Variants in TRPM5 observed in about 807,000 individuals in gnomAD.
TRPM5 encodes MLSN1 and TRP-related.
In TRPM5, 121 loss-of-function variants were observed where a neutral mutation model predicts 124.9. The ratio of observed to expected loss-of-function variants is 0.97; its 90% CI spans 0.84 to 1.13. The LOEUF is 1.13. Among genes scored for constraint, TRPM5 ranks in the 50% most tolerant of loss-of-function variants. The pLI, the probability that TRPM5 is intolerant of heterozygous loss-of-function variation, is 0.00. For synonymous variants in TRPM5, 781 were observed against 700.5 expected (o/e 1.11, Z -1.81); for missense variants, 1,643 against 1,589.1 (o/e 1.03, Z -0.58).
chr11:2,410,900 GAGGGC>G (rs2133508713), intron 18 of TRPM5, among the ~76,000 whole-genome samples: 1 of 152,298 alleles, frequency 6.6e-6, no homozygotes, highest in Admixed American at 6.5e-5. Context: ...GGCCCTGTGG[GAGGGC>G]AGAGGCCAGG....
intron 5 of TRPM5, 70 bp downstream of exon 10, chr11:2,418,457 G>T: frequency 6.4e-7 from 1 of 1,557,896 alleles, no homozygotes; most frequent in African/African-American, 1.4e-5. Flanking sequence ...CCTGTCCCAG[G>T]GGTGCCCAGA....
At chr11:2,414,512 C>T (rs1047799780) in intron 11 of TRPM5, among the ~76,000 whole-genome samples, 1 of 152,208 alleles carries the variant, frequency 6.6e-6, no homozygotes, top group African/African-American at 2.4e-5. Context: ...TCACCACGTG[C>T]ACAGCGGTCC....
At position 2,411,187 on chromosome 11, in the gene TRPM5, G is replaced by C. The variant is rs576503716; in HGVS notation, c.2782+165C>G. Among the ~76,000 whole-genome samples, 7 of 152,222 alleles carry C rather than the reference G, an allele frequency of 4.6e-5. No individual in the cohort carries two copies. In the East Asian group the frequency reaches 9.7e-4, roughly 21 times the overall value. On this transcript the variant is annotated intron_variant, in intron 18 of 23. Coordinates refer to ENST00000155858, the Ensembl canonical transcript of TRPM5. The stretch of plus-strand genomic sequence containing the variant: ...CAGGAACCAGGCCTGGCCCTTTGGG[G>C]TGTGGGGGGCCTGGGGACCAGGCCT...
chr11:2,414,724 G>A (rs1193273467), exon 11 of TRPM5: 4 of 1,540,022 alleles, frequency 2.6e-6, no homozygotes, highest in South Asian at 2.4e-5. Context: ...CCAAGGGCCA[G>A]CCGCTCGTAT....
chr11:2,422,364 C>T (rs1845785123), intron 1 of TRPM5, 43 bp from the exon 7 acceptor site: 1 of 1,472,592 alleles, frequency 6.8e-7, no homozygotes, highest in East Asian at 2.5e-5. Flanking sequence ...GGGCACGGGG[C>T]ATGGGAGCTG....
Position 2,411,256 on chromosome 11 carries a change from C to T in TRPM5, c.2782+96G>A, listed in dbSNP as rs1025182923. The T allele has an allele frequency of 4.3e-6, 6 of 1,384,568 alleles. No homozygotes were observed. The African/African-American group carries it at 5.8e-5, about 13-fold the overall frequency. 85.8% of individuals were successfully genotyped at this position (1,384,568 alleles called of 1,614,324 possible). On this transcript the variant is annotated intron_variant, in intron 18 of 23. Coordinates refer to ENST00000155858, the Ensembl canonical transcript of TRPM5. ...CTGCTCCAGGCTGGGGTCTCCATGG[C>T]CCCAACAGACCTCTCTGGAGAGCCT...
intron 16 of TRPM5, 64 bp downstream of exon 21, chr11:2,412,071 G>T: frequency 7.2e-7 from 1 of 1,392,316 alleles, no homozygotes. Context: ...CAACCTGAGT[G>T]GCTTCATCTG....
At chr11:2,426,545 C>T (rs1012858458), upstream of TRPM5, among the ~76,000 whole-genome samples, 2 of 152,138 alleles carry the variant, frequency 1.3e-5, no homozygotes, top group South Asian at 2.1e-4. Context: ...GGCAGCCCCC[C>T]AGACGGTGAA....
chr11:2,418,578 G>C lies in TRPM5; in HGVS notation c.663C>G (p.Ile221Met), dbSNP rs1016261539. 8 of 1,611,280 alleles carry C rather than the reference G, an allele frequency of 5.0e-6. No individual in the cohort carries two copies. In the South Asian group the frequency reaches 7.7e-5, roughly 16 times the overall value. The change falls in exon 5 of 24, where the codon ATC becomes ATG. Residue 221 changes from isoleucine (I) to methionine (M), a missense_variant. By Grantham distance (10) the Ile-to-Met change is conservative. Coordinates refer to ENST00000155858, the Ensembl canonical transcript of TRPM5. ...CCAGCAAGCAGAGGACAGGGATCTC[G>C]ATGCTGCCAGTGCCTGTGGACAGGG...
chr11:2,438,922 A>C, the TRPM5 span, among the ~76,000 whole-genome samples: 1 of 152,256 alleles, frequency 6.6e-6, no homozygotes, highest in African/African-American at 2.4e-5. The surrounding 1 kb of genome is among the most constrained non-coding windows in gnomAD (Gnocchi z 5.9). Flanking sequence ...ACCTGACTTC[A>C]AACTAATGTT....
Position 2,418,155 on chromosome 11 carries a change from G to T in TRPM5, c.906+12C>A. The T allele has an allele frequency of 6.5e-7, 1 of 1,547,662 alleles. No homozygotes were observed. The highest frequency in any genetic ancestry group is 1.2e-5 in the South Asian group (1 of 84,430). ...GAGGGGTCGGGAGGACAGGGGAGGG[G>T]GCAGCACATACCAGCTTGGTCCAGC... On this transcript the variant is annotated intron_variant, in intron 6 of 23. Transcript: ENST00000155858.
At chr11:2,440,151 A>G in the TRPM5 span, among the ~76,000 whole-genome samples, 3 of 138,220 alleles carry the variant, frequency 2.2e-5, no homozygotes, top group South Asian at 6.5e-4. The surrounding 1 kb of genome is among the most constrained non-coding windows in gnomAD (Gnocchi z 5.2). Context: ...GCTCATAGAC[A>G]TAGAGGGACA....
intron 4 of TRPM5, among the ~76,000 whole-genome samples, 190 bp from the exon 10 acceptor site, chr11:2,418,781 G>A (rs915475284): frequency 3.3e-5 from 5 of 152,228 alleles, no homozygotes; most frequent in Admixed American, 6.5e-5. Flanking sequence ...GGGCTCCAAT[G>A]CTAACCTACA....
chr11:2,437,827 C>T, the TRPM5 span, among the ~76,000 whole-genome samples: 1 of 152,142 alleles, frequency 6.6e-6, no homozygotes, highest in African/African-American at 2.4e-5. The surrounding 1 kb of genome is among the most constrained non-coding windows in gnomAD (Gnocchi z 5.6). Flanking sequence ...TCTTTATGAG[C>T]ATGCGGGGGC....
the TRPM5 span, among the ~76,000 whole-genome samples, chr11:2,440,775 T>C: frequency 1.6e-4 from 24 of 152,328 alleles, no homozygotes; most frequent in South Asian, 3.9e-3. The surrounding 1 kb of genome is among the most constrained non-coding windows in gnomAD (Gnocchi z 5.2). Context: ...AATGAATGAA[T>C]AGGTAGGAAG....
At chr11:2,418,798 A>T (rs752002406) in intron 4 of TRPM5, among the ~76,000 whole-genome samples, 19 of 152,334 alleles carry the variant, frequency 1.2e-4, no homozygotes, top group Non-Finnish European at 2.5e-4. Flanking sequence ...TACACTACCC[A>T]GCACGCGCAC....
At chr11:2,436,903 C>T in the TRPM5 span, among the ~76,000 whole-genome samples, 3 of 152,202 alleles carry the variant, frequency 2.0e-5, no homozygotes, top group African/African-American at 7.2e-5. Context: ...CCAGAAGCAC[C>T]CCGCTCGCCC....
Position 2,418,160 on chromosome 11 carries a change from C to T in TRPM5, c.906+7G>A. On this transcript the variant is annotated splice_region_variant and intron_variant, in intron 6 of 23. Coordinates refer to ENST00000155858, the Ensembl canonical transcript of TRPM5. ...GTCGGGAGGACAGGGGAGGGGGCAG[C>T]ACATACCAGCTTGGTCCAGCGCACG... 2 of 1,554,932 alleles carry T rather than the reference C, an allele frequency of 1.3e-6. No homozygotes were observed. Among genetic ancestry groups the T allele is most frequent in the South Asian group, 2.4e-5 (2 of 84,834 alleles).
intron 4 of TRPM5, 78 bp downstream of exon 9, chr11:2,420,144 C>T (rs1369386406): frequency 6.7e-7 from 1 of 1,493,782 alleles, no homozygotes; most frequent in South Asian, 1.3e-5. Context: ...CTGGCGGTCA[C>T]CCCCACTCTC....
Sources: allele counts gnomAD v4.1 joint callset (sites outside exome capture counted in the v4.1 genomes callset), GRCh38; gene constraint gnomAD v4.1.1; non-coding constraint Gnocchi (gnomAD v3.1); transcripts MANE v1.5; gene names NCBI Gene and HGNC (gene_info 2026-07-23, HGNC 2026-07-21).